The following TEC variants were observed in gnomAD, a reference collection of about 807,000 sequenced individuals.
The protein encoded by TEC is tyrosine-protein kinase Tec.
A neutral mutation model predicts 93.0 loss-of-function variants in TEC; 72 were observed. That is an observed-to-expected ratio of 0.77 (90% CI 0.64 to 0.94). The LOEUF is 0.94. Among genes scored for constraint, TEC ranks in the 40% least tolerant of loss-of-function variants. The pLI, the probability that TEC is intolerant of heterozygous loss-of-function variation, is 0.00. For synonymous variants in TEC, 249 were observed against 247.7 expected (o/e 1.01, Z -0.05); for missense variants, 630 against 757.9 (o/e 0.83, Z 1.98).
At position 48,137,130 on chromosome 4, in the gene TEC, C is replaced by A. The variant is rs1719458743; in HGVS notation, c.*286G>T. 2.6e-6 allele frequency: 1 copy of A among 381,756 alleles called. No individual in the cohort carries two copies. The highest frequency in any genetic ancestry group is 5.4e-5 in the East Asian group (1 of 18,426). 23.6% of individuals were successfully genotyped at this position (381,756 alleles called of 1,614,324 possible). A position where few individuals can be genotyped will look rare whatever the true frequency, so the allele number is the denominator to read the frequency against. ...TGTGTGCACCCCTGAATGGCCAAAC[C>A]CTGGGGCTACACACAGTGCCTGGTA... On this transcript the variant is annotated 3_prime_UTR_variant, in exon 18 of 18. Coordinates refer to ENST00000381501, the MANE Select transcript of TEC (RefSeq NM_003215.3).
intron 11 of TEC, among the ~76,000 whole-genome samples, chr4:48,149,057 C>T (rs1720047109): frequency 6.6e-6 from 1 of 152,150 alleles, no homozygotes; most frequent in African/African-American, 2.4e-5. Flanking sequence ...ACCAGATTTT[C>T]TTTATCCTGT....
At chr4:48,137,837 C>T (rs1053766702) in intron 17 of TEC, among the ~76,000 whole-genome samples, 1 of 152,202 alleles carries the variant, frequency 6.6e-6, no homozygotes, top group Non-Finnish European at 1.5e-5. Flanking sequence ...CCCACAAAAT[C>T]CCTCACATGG....
chr4:48,137,853 C>G (rs766716722), intron 17 of TEC, among the ~76,000 whole-genome samples: 2 of 152,202 alleles, frequency 1.3e-5, no homozygotes, highest in African/African-American at 2.4e-5. Flanking sequence ...CATGGGCTGT[C>G]TGTTAAATAG....
Position 48,181,506 on chromosome 4 carries a change from C to T in TEC, c.139-5320G>A, listed in dbSNP as rs139031944. 9.4e-3 allele frequency among the ~76,000 whole-genome samples: 1,427 copies of T among 151,870 alleles called. 20 individuals carry two copies. The highest frequency in any genetic ancestry group is 0.033 in the African/African-American group (1,360 of 41,410). ...TGGCCAACATGGTGAAACCCCATCT[C>T]TACTAAAAATACAAAAATTAGCCAG... On this transcript the variant is annotated intron_variant, in intron 2 of 17. Transcript: ENST00000381501.
Position 48,146,430 on chromosome 4 carries a change from C to T in TEC, c.1007-31G>A, listed in dbSNP as rs1012975749. ...AATCAAAGAAAGCGTTGCAGTCAAA[C>T]TCATTCATAATCATTCTGCTTGGTC... On this transcript the variant is annotated intron_variant, in intron 11 of 17. Transcript: ENST00000381501. The T allele has an allele frequency of 3.1e-6, 5 of 1,593,832 alleles. No homozygotes were observed. The African/African-American group carries it at 5.4e-5, about 17-fold the overall frequency.
At chr4:48,162,271 G>A (rs913976827) in intron 8 of TEC, among the ~76,000 whole-genome samples, 4 of 152,186 alleles carry the variant, frequency 2.6e-5, no homozygotes, top group Non-Finnish European at 5.9e-5. Context: ...GCACTCCCAC[G>A]CTGGAGGCTG....
intron 2 of TEC, among the ~76,000 whole-genome samples, chr4:48,213,873 T>C (rs1722989174): frequency 6.6e-6 from 1 of 152,146 alleles, no homozygotes; most frequent in African/African-American, 2.4e-5. Context: ...ACTCTGTCCC[T>C]GAAAAAAAAT....
At chr4:48,205,132 A>C (rs1479486628) in intron 2 of TEC, among the ~76,000 whole-genome samples, 1 of 152,252 alleles carries the variant, frequency 6.6e-6, no homozygotes, top group Admixed American at 6.5e-5. Flanking sequence ...TTGCCTCAGA[A>C]GACTGTGGTC....
In TEC at chr4:48,257,795, A is replaced by T. The variant is rs904089301; in HGVS notation, c.-46+11957T>A. Among the ~76,000 whole-genome samples the T allele has an allele frequency of 4.0e-4, 7 of 17,710 alleles. No individual in the cohort carries two copies. The Admixed American group carries it at 8.6e-3, about 22-fold the overall frequency. The allele number at this position is 17,710 out of a possible 152,430, so 11.6% of individuals were successfully genotyped here. ...GTACAAGAGGGTGCACCCTGTCCACATGCCCATTTACCTTTCTAGACTGAA... is the reference window on the plus strand; with the variant it reads ...GTACAAGAGGGTGCACCCTGTCCACTTGCCCATTTACCTTTCTAGACTGAA... On this transcript the variant is annotated intron_variant, in intron 1 of 17. Coordinates refer to ENST00000381501, the MANE Select transcript of TEC (RefSeq NM_003215.3).
At chr4:48,175,817 C>G (rs1306470637) in intron 3 of TEC, among the ~76,000 whole-genome samples, 1 of 152,198 alleles carries the variant, frequency 6.6e-6, no homozygotes, top group African/African-American at 2.4e-5. Context: ...CTTTTAATCT[C>G]ATTTCCACTT....
chr4:48,262,625 GAAAA>G (rs1284266596), intron 1 of TEC, among the ~76,000 whole-genome samples: 1 of 152,136 alleles, frequency 6.6e-6, no homozygotes, highest in Non-Finnish European at 1.5e-5. Flanking sequence ...GTACATTACA[GAAAA>G]ACTATACTGC....
At chr4:48,226,193 CAT>C (rs1723453659) in intron 2 of TEC, among the ~76,000 whole-genome samples, 1 of 149,108 alleles carries the variant, frequency 6.7e-6, no homozygotes, top group Non-Finnish European at 1.5e-5. Flanking sequence ...AGTAACTGCC[CAT>C]ACTGCGAACC....
intron 8 of TEC, among the ~76,000 whole-genome samples, chr4:48,157,051 G>A (rs1720431720): frequency 6.6e-6 from 1 of 152,028 alleles, no homozygotes; most frequent in African/African-American, 2.4e-5. Flanking sequence ...AATCAATATA[G>A]GTCTACATAT....
chr4:48,165,160 C>T (rs192894726), intron 7 of TEC, among the ~76,000 whole-genome samples: 100 of 152,286 alleles, frequency 6.6e-4, no homozygotes, highest in Admixed American at 1.6e-3. Context: ...CAGCCACCAT[C>T]GACCTAATTT....
At chr4:48,184,770 T>TACAC (rs58704241) in intron 2 of TEC, among the ~76,000 whole-genome samples, 6,148 of 140,938 alleles carry the variant, frequency 0.044, 166 homozygotes, top group Non-Finnish European at 0.058. Flanking sequence ...ACAAAAAAAA[T>TACAC]ACACACACAC....
intron 2 of TEC, among the ~76,000 whole-genome samples, chr4:48,211,985 T>C (rs1722916237): frequency 6.6e-6 from 1 of 150,936 alleles, no homozygotes; most frequent in Non-Finnish European, 1.5e-5. Flanking sequence ...TGTAGTCCCA[T>C]CTACTCAGGA....
intron 5 of TEC, among the ~76,000 whole-genome samples, chr4:48,168,972 C>A (rs1408548157): frequency 6.6e-6 from 1 of 152,204 alleles, no homozygotes; most frequent in East Asian, 1.9e-4. Flanking sequence ...TCAGCTTTGG[C>A]TGTCCATTCC....
intron 2 of TEC, among the ~76,000 whole-genome samples, chr4:48,178,785 A>C (rs1721435308): frequency 6.6e-6 from 1 of 152,124 alleles, no homozygotes; most frequent in Non-Finnish European, 1.5e-5. Context: ...TCTCCTATCC[A>C]AACCGGGAAG....
Position 48,145,122 on chromosome 4 carries a change from C to T in TEC, c.1427G>A (p.Gly476Glu), listed in dbSNP as rs1194437456. Residue 476 changes from glycine to glutamate, a missense_variant, in exon 14 of 18, where the codon GGG (glycine) becomes GAG (glutamate). Physicochemically the swap from Gly to Glu is moderately conservative, Grantham distance 98. This residue lies in a region of TEC where 289 missense variants were observed against 390.0 expected (regional missense o/e 0.74). Transcript: ENST00000381501. ...LLSMCQDVCE[G>E]MEYLERNSFI... ...GCTGTTTCTCTCCAGATACTCCATC[C>T]CTTCACACACATCCTGACACATGCT... 1 of 1,613,814 alleles carries T rather than the reference C, an allele frequency of 6.2e-7. No individual in the cohort carries two copies. The highest frequency in any genetic ancestry group is 1.3e-5 in the African/African-American group (1 of 74,882).
Sources: allele counts gnomAD v4.1 joint callset (sites outside exome capture counted in the v4.1 genomes callset), GRCh38; gene constraint gnomAD v4.1.1; regional missense constraint gnomAD v4.1.1; transcripts MANE v1.5; gene names NCBI Gene and HGNC (gene_info 2026-07-23, HGNC 2026-07-21).